The following SNTG2 variants were observed in gnomAD, a reference collection of about 807,000 sequenced individuals.
SNTG2 encodes the protein gamma-2-syntrophin.
In SNTG2, 74 loss-of-function variants were observed where a neutral mutation model predicts 70.9. The ratio of observed to expected loss-of-function variants is 1.04; its 90% CI spans 0.86 to 1.27. The LOEUF is 1.27. Among genes scored for constraint, SNTG2 ranks in the 50% most tolerant of loss-of-function variants. SNTG2 has a pLI of 0.00. For missense variants in SNTG2, 717 were observed against 690.7 expected (o/e 1.04, Z -0.43); for synonymous variants, 278 against 273.8 (o/e 1.02, Z -0.15).
At chr2:966,088 T>C (rs1009685712) in intron 1 of SNTG2, among the ~76,000 whole-genome samples, 4 of 152,214 alleles carry the variant, frequency 2.6e-5, no homozygotes, top group African/African-American at 9.6e-5. Context: ...CGGAACCTGC[T>C]TCACAGCGAG....
chr2:1,248,514 T>C (rs28594355), intron 12 of SNTG2, among the ~76,000 whole-genome samples: 45,665 of 152,182 alleles, frequency 0.3, 7,636 homozygotes, highest in African/African-American at 0.45. Flanking sequence ...TTTGTGCTTA[T>C]TGCACCTAAA....
intron 13 of SNTG2, among the ~76,000 whole-genome samples, chr2:1,264,174 T>C (rs551294625): frequency 6.6e-6 from 1 of 152,342 alleles, no homozygotes; most frequent in African/African-American, 2.4e-5. Context: ...TAGATACTAG[T>C]CTATTTCATC....
chr2:1,145,629 GC>G, intron 6 of SNTG2, among the ~76,000 whole-genome samples: 1 of 152,178 alleles, frequency 6.6e-6, no homozygotes, highest in Non-Finnish European at 1.5e-5. Context: ...AAACATTACA[GC>G]AGAAATTATA....
intron 2 of SNTG2, among the ~76,000 whole-genome samples, chr2:1,085,987 A>G (rs983555099): frequency 6.6e-5 from 10 of 152,238 alleles, no homozygotes; most frequent in East Asian, 1.9e-4. Flanking sequence ...AAAATTTCAC[A>G]TCTTCATTTT....
intron 14 of SNTG2, among the ~76,000 whole-genome samples, chr2:1,272,179 C>A (rs1180526326): frequency 6.6e-6 from 1 of 151,782 alleles, no homozygotes; most frequent in Non-Finnish European, 1.5e-5. Flanking sequence ...AATTATACAA[C>A]CCGCCATAAT....
chr2:1,229,327 A>C (rs548268224), intron 9 of SNTG2, among the ~76,000 whole-genome samples: 9 of 152,308 alleles, frequency 5.9e-5, no homozygotes, highest in South Asian at 2.1e-4. Context: ...GAGTATTGAC[A>C]CAAAAGTTCT....
At chr2:1,039,374 GCTTT>G in intron 1 of SNTG2, among the ~76,000 whole-genome samples, 1 of 152,166 alleles carries the variant, frequency 6.6e-6, no homozygotes. Flanking sequence ...ACATTGAAAT[GCTTT>G]CTGTGTGTCA....
chr2:995,741 C>T (rs1661656957), intron 1 of SNTG2, among the ~76,000 whole-genome samples: 1 of 151,926 alleles, frequency 6.6e-6, no homozygotes, highest in Non-Finnish European at 1.5e-5. Context: ...TTATGTTTTT[C>T]TAGGAATGTG....
intron 1 of SNTG2, among the ~76,000 whole-genome samples, chr2:1,079,352 A>G (rs1297668137): frequency 6.6e-6 from 1 of 152,248 alleles, no homozygotes; most frequent in African/African-American, 2.4e-5. Context: ...CTGGAAAACT[A>G]AGGCCAATTT....
chr2:988,099 G>GAA (rs1661385386), intron 1 of SNTG2, among the ~76,000 whole-genome samples: 1 of 152,202 alleles, frequency 6.6e-6, no homozygotes, highest in Non-Finnish European at 1.5e-5. Context: ...CTGACTTTCC[G>GAA]TTCCTTTAAG....
intron 6 of SNTG2, among the ~76,000 whole-genome samples, chr2:1,142,887 G>C (rs923367949): frequency 6.6e-6 from 1 of 152,176 alleles, no homozygotes; most frequent in Non-Finnish European, 1.5e-5. Flanking sequence ...CATGACCATT[G>C]CATTGCAATT....
chr2:1,242,858 T>C (rs1424276577), intron 11 of SNTG2: 1 of 152,218 alleles, frequency 6.6e-6, no homozygotes, highest in Admixed American at 6.5e-5. Flanking sequence ...ATAAAAAATA[T>C]ATTTCTTTAT....
chr2:1,303,182 C>T (rs775335915), intron 14 of SNTG2, among the ~76,000 whole-genome samples: 29 of 152,188 alleles, frequency 1.9e-4, no homozygotes, highest in Admixed American at 5.9e-4. Flanking sequence ...CCACATACTA[C>T]GGGATAATAA....
chr2:1,137,535 T>C, intron 4 of SNTG2, 87 bp from the exon 5 acceptor site: 2 of 1,451,088 alleles, frequency 1.4e-6, no homozygotes, highest in Non-Finnish European at 1.9e-6. Flanking sequence ...CTTCAGCTAC[T>C]GCAAGCCCTG....
At chr2:1,151,661 G>A (rs1326794367) in intron 6 of SNTG2, among the ~76,000 whole-genome samples, 1 of 152,126 alleles carries the variant, frequency 6.6e-6, no homozygotes, top group Non-Finnish European at 1.5e-5. Flanking sequence ...TCTTTAGGCT[G>A]CTCCGAAAGC....
Position 1,073,501 on chromosome 2 carries a change from AAT to A in SNTG2, c.73-10015_73-10014del, listed in dbSNP as rs141165780. Among the ~76,000 whole-genome samples the A allele has an allele frequency of 2.6e-5, 4 of 152,364 alleles. No homozygotes were observed. The East Asian group carries it at 7.7e-4, about 29-fold the overall frequency. On this transcript the variant is annotated intron_variant, in intron 1 of 16. Transcript: ENST00000308624. Reference sequence around the variant, plus strand: ...TTATACGTAATGCTATTCCACACTTAATAGACTACAGTATACTGTAAACATAA... The same window carrying A: ...TTATACGTAATGCTATTCCACACTTAAGACTACAGTATACTGTAAACATAA...
intron 1 of SNTG2, among the ~76,000 whole-genome samples, chr2:1,002,365 C>CT (rs1248561598): frequency 6.6e-6 from 1 of 152,066 alleles, no homozygotes; most frequent in African/African-American, 2.4e-5. Context: ...TAGTGAGTAA[C>CT]TAATATCCAG....
chr2:963,263 T>G (rs1415223520), intron 1 of SNTG2, among the ~76,000 whole-genome samples: 1 of 151,990 alleles, frequency 6.6e-6, no homozygotes, highest in Non-Finnish European at 1.5e-5. Flanking sequence ...TACGTAAAAA[T>G]TGAAATGGAA....
chr2:1,106,162 C>G (rs865785335), intron 4 of SNTG2, among the ~76,000 whole-genome samples: 1 of 121,538 alleles, frequency 8.2e-6, no homozygotes, highest in African/African-American at 3.3e-5. Context: ...ATGGAGAGCT[C>G]CTTGGTAATA....
Sources: gnomAD v4.1 joint callset for allele counts (sites outside exome capture counted in the v4.1 genomes callset) on GRCh38, gnomAD v4.1.1 for gene constraint, MANE v1.5 for transcripts, NCBI Gene and HGNC (gene_info 2026-07-23, HGNC 2026-07-21) for gene names.